PTPRR: variants seen among roughly 807,000 people sequenced by gnomAD.
PTPRR encodes protein tyrosine phosphatase receptor type R, also known as receptor-type tyrosine-protein phosphatase R.
A neutral mutation model predicts 77.2 loss-of-function variants in PTPRR; 38 were observed. The observed-to-expected ratio is 0.49, with a 90% CI of 0.38 to 0.65. The LOEUF is 0.65. Among genes scored for constraint, PTPRR ranks in the 30% least tolerant of loss-of-function variants. PTPRR has a pLI of 0.00. For missense variants in PTPRR, 744 were observed against 799.2 expected (o/e 0.93, Z 0.83); for synonymous variants, 299 against 283.1 (o/e 1.06, Z -0.57).
chr12:70,781,210 C>CA (rs1335626654), intron 2 of PTPRR, among the ~76,000 whole-genome samples: 1 of 151,976 alleles, frequency 6.6e-6, no homozygotes, highest in East Asian at 1.9e-4. Context: ...AAAAGTCAGA[C>CA]AAAAAAATGG....
At chr12:70,908,981 A>G (rs1232045054) in intron 1 of PTPRR, among the ~76,000 whole-genome samples, 4 of 152,212 alleles carry the variant, frequency 2.6e-5, no homozygotes, top group Non-Finnish European at 4.4e-5. Context: ...GCAACTACCC[A>G]GTTTAGCTGA....
rs1390288330 is a variant in PTPRR at position 70,750,074 on chromosome 12, C to T, written c.739-3988G>A. ...TTTCTATTTGTCGCTCCACCCACTG[C>T]ACATTCACATTTGTGAGGTGCTAAA... On this transcript the variant is annotated intron_variant, in intron 5 of 13. Coordinates refer to ENST00000283228, the MANE Select transcript of PTPRR (RefSeq NM_002849.4). 2.6e-5 allele frequency among the ~76,000 whole-genome samples: 4 copies of T among 152,170 alleles called. No homozygotes were observed. In the East Asian group the frequency reaches 7.7e-4, roughly 29 times the overall value.
chr12:70,882,308 A>T (rs962751632), intron 2 of PTPRR, among the ~76,000 whole-genome samples: 2 of 152,158 alleles, frequency 1.3e-5, no homozygotes, highest in Non-Finnish European at 2.9e-5. Context: ...GATTCTTTGC[A>T]CCCCATCACT....
intron 2 of PTPRR, among the ~76,000 whole-genome samples, chr12:70,856,018 T>G (rs1339421149): frequency 6.6e-6 from 1 of 152,058 alleles, no homozygotes; most frequent in East Asian, 1.9e-4. Flanking sequence ...TCCACAATAT[T>G]TTTTTCCTCC....
intron 2 of PTPRR, among the ~76,000 whole-genome samples, chr12:70,864,836 A>G (rs1892813512): frequency 6.6e-6 from 1 of 152,018 alleles, no homozygotes; most frequent in Non-Finnish European, 1.5e-5. Context: ...TTTGAGATGG[A>G]GCTCTCACTC....
rs1477305022 is a variant in PTPRR at position 70,684,242 on chromosome 12, G to A, written c.1382C>T (p.Ala461Val). Residue 461 changes from alanine (A) to valine (V), a missense_variant, in exon 10 of 14, where the codon GCC (alanine) becomes GTC (valine). By Grantham distance (64) the Ala-to-Val change is moderately conservative. This residue lies in a region of PTPRR where 570 missense variants were observed against 573.2 expected (regional missense o/e 0.99). Coordinates refer to ENST00000283228, the MANE Select transcript of PTPRR (RefSeq NM_002849.4). ...CATGGGGCCCTGCGTGGCAATGAAG[G>A]CTTTCTCCTTGCCACTGTAGCCCTA... ...YIRGYSGKEK[A>V]FIATQGPMIN... is the part of the protein sequence containing the mutation. 1.2e-6 allele frequency: 2 copies of A among 1,613,264 alleles called. No homozygotes were observed. Among genetic ancestry groups the A allele is most frequent in the East Asian group, 2.2e-5 (1 of 44,846 alleles).
chr12:70,695,721 T>C (rs1344305668), intron 8 of PTPRR, among the ~76,000 whole-genome samples: 2 of 152,178 alleles, frequency 1.3e-5, no homozygotes, highest in Non-Finnish European at 2.9e-5. Flanking sequence ...GTTTGGTATA[T>C]TTTAGATAAA....
chr12:70,775,191 A>G (rs1891063262), intron 2 of PTPRR, among the ~76,000 whole-genome samples: 1 of 125,026 alleles, frequency 8.0e-6, no homozygotes, highest in Non-Finnish European at 1.6e-5. Flanking sequence ...AAATATATAA[A>G]CATACAGAAA....
chr12:70,909,919 TCTTCAACATGAA>T (rs1893676504), intron 1 of PTPRR, among the ~76,000 whole-genome samples: 1 of 152,188 alleles, frequency 6.6e-6, no homozygotes, highest in Non-Finnish European at 1.5e-5. Context: ...GGATTTAGTT[TCTTCAACATGAA>T]CTTGCTAATT....
In PTPRR at chr12:70,868,353, C is replaced by A. The variant is rs1230818402; in HGVS notation, c.357+24326G>T. 6.5e-5 allele frequency among the ~76,000 whole-genome samples: 6 copies of A among 91,920 alleles called. No homozygotes were observed. In the South Asian group the frequency reaches 1.1e-3, roughly 17 times the overall value. 60.3% of individuals were successfully genotyped at this position (91,920 alleles called of 152,430 possible). A position where few individuals can be genotyped will look rare whatever the true frequency, so the allele number is the denominator to read the frequency against. On this transcript the variant is annotated intron_variant, in intron 2 of 13. Coordinates refer to ENST00000283228, the MANE Select transcript of PTPRR (RefSeq NM_002849.4). ...AACAAATTTACAAGAAAAAAAAAAA[C>A]AACCCCATCAAAAAGTGGGAAAGGA...
At chr12:70,874,955 G>T (rs1052140699) in intron 2 of PTPRR, among the ~76,000 whole-genome samples, 1 of 149,342 alleles carries the variant, frequency 6.7e-6, no homozygotes, top group African/African-American at 2.5e-5. Context: ...GCAACCTCAC[G>T]TTTGGGAATC....
In PTPRR at chr12:70,761,595, G is replaced by T. The variant is rs74629016; in HGVS notation, c.503C>A (p.Ser168Tyr). The change falls in exon 4 of 14, where the codon TCT becomes TAT. Residue 168 changes from serine (S) to tyrosine (Y), a missense_variant. Ser to Tyr is a moderately radical substitution (Grantham distance 144). Coordinates refer to ENST00000283228, the MANE Select transcript of PTPRR (RefSeq NM_002849.4). ...AATTCCTGTTTTTCGGTTTATGGGA[G>T]ACACAAACAGTTCAATACTGTTCTT... ...GKKNSIELFV[S>Y]PINRKTGISD... 1.9e-6 allele frequency: 3 copies of T among 1,610,380 alleles called. No homozygotes were observed. The East Asian group carries it at 6.7e-5, about 36-fold the overall frequency.
rs1394112801 is a variant in PTPRR at position 70,735,036 on chromosome 12, A to G, written c.1007+10782T>C. Among the ~76,000 whole-genome samples the G allele has an allele frequency of 2.0e-5, 3 of 151,994 alleles. No individual in the cohort carries two copies. The East Asian group carries it at 5.8e-4, about 29-fold the overall frequency. ...CTGTGGGGTCTTTTATTTTTTTAGA[A>G]TAAAAAACCCTATGAAAATTTTGTT... On this transcript the variant is annotated intron_variant, in intron 6 of 13. Transcript: ENST00000283228.
chr12:70,787,568 A>G (rs1891348829), intron 2 of PTPRR, among the ~76,000 whole-genome samples: 1 of 151,878 alleles, frequency 6.6e-6, no homozygotes, highest in African/African-American at 2.4e-5. Context: ...AAATCACTAA[A>G]AAAACTTTCC....
intron 8 of PTPRR, among the ~76,000 whole-genome samples, chr12:70,692,848 C>T (rs972883687): frequency 2.0e-5 from 3 of 152,104 alleles, no homozygotes; most frequent in Non-Finnish European, 4.4e-5. Flanking sequence ...ATTTTAAGTG[C>T]TTAAATTTCT....
intron 6 of PTPRR, among the ~76,000 whole-genome samples, chr12:70,715,026 T>A (rs185266479): frequency 1.7e-3 from 254 of 151,080 alleles, no homozygotes; most frequent in African/African-American, 5.9e-3. Flanking sequence ...CCAAAATAAT[T>A]TTTTTTTTGT....
rs772799519 is a variant in PTPRR at position 70,761,603 on chromosome 12, C to G, written c.495G>C (p.Leu165=). The change falls in exon 4 of 14, where the codon CTG becomes CTC. Residue 165 remains leucine (L), a synonymous_variant. Transcript: ENST00000283228. ...RLIGKKNSIE[L]FVSPINRKTG... ...TTTTTCGGTTTATGGGAGACACAAACAGTTCAATACTGTTCTTCTTTCCCT... is the reference window on the plus strand; with the variant it reads ...TTTTTCGGTTTATGGGAGACACAAAGAGTTCAATACTGTTCTTCTTTCCCT... The G allele has an allele frequency of 1.9e-6, 3 of 1,595,180 alleles. No homozygotes were observed. Among genetic ancestry groups the G allele is most frequent in the Non-Finnish European group, 2.6e-6 (3 of 1,171,924 alleles).
At chr12:70,788,744 C>A in intron 2 of PTPRR, 3 of 1,035,792 alleles carry the variant, frequency 2.9e-6, no homozygotes, top group Non-Finnish European at 4.3e-6. Context: ...AGACATAAAT[C>A]TTAATATTTA....
At chr12:70,846,846 T>A (rs2137065241) in intron 2 of PTPRR, among the ~76,000 whole-genome samples, 1 of 152,308 alleles carries the variant, frequency 6.6e-6, no homozygotes, top group South Asian at 2.1e-4. Flanking sequence ...CGTAGCAGCC[T>A]GAGTGGACTC....
Sources: gnomAD v4.1 joint callset for allele counts (sites outside exome capture counted in the v4.1 genomes callset) on GRCh38, gnomAD v4.1.1 for gene constraint, gnomAD v4.1.1 regional missense constraint, MANE v1.5 for transcripts, NCBI Gene and HGNC (gene_info 2026-07-23, HGNC 2026-07-21) for gene names.